Variants in PKD1L1 observed in about 807,000 individuals in gnomAD.
PKD1L1 encodes the protein polycystin 1 like 1, transient receptor potential channel interacting.
A neutral mutation model predicts 323.4 loss-of-function variants in PKD1L1; 236 were observed. The ratio of observed to expected loss-of-function variants is 0.73; its 90% CI spans 0.66 to 0.81. The LOEUF is 0.81. PKD1L1 is among the 40% of genes least tolerant of loss of function. The probability of loss-of-function intolerance (pLI) is 0.00; values close to 1 mark genes in which losing one functional copy is unlikely to be tolerated. For synonymous variants in PKD1L1, 1,344 were observed against 1,335.0 expected, an observed-to-expected ratio of 1.01 and a Z score of -0.15; for missense variants, 3,320 against 3,508.0, an observed-to-expected ratio of 0.95 and a Z score of 1.35.
Position 47,846,960 on chromosome 7 carries a change from C to G in PKD1L1, c.5072G>C (p.Cys1691Ser), listed in dbSNP as rs886037834. ...NYTVHFQWIR[C>S]LFWDKREWKS... ...CCACTCTCTCTTGTCCCAAAACAGG[C>G]ATCGGATCCACTGGAAATGTACTGT... The change falls in exon 32 of 57, where the codon TGC becomes TCC. Residue 1691 changes from cysteine to serine, a missense_variant. By Grantham distance (112) the Cys-to-Ser change is moderately radical (BLOSUM62 -1). Coordinates refer to ENST00000289672, the MANE Select transcript of PKD1L1 (RefSeq NM_138295.5). 18 of 1,613,904 alleles carry G rather than the reference C, an allele frequency of 1.1e-5. No individual in the cohort carries two copies. Among genetic ancestry groups the G allele is most frequent in the Non-Finnish European group, 1.4e-5 (16 of 1,179,954 alleles).
At chr7:47,874,420 T>C (rs375898271) in intron 23 of PKD1L1, among the ~76,000 whole-genome samples, 3 of 152,296 alleles carry the variant, frequency 2.0e-5, no homozygotes, top group Middle Eastern at 3.4e-3. Flanking sequence ...GGCACCGTCA[T>C]AGGAACCACA....
intron 55 of PKD1L1, among the ~76,000 whole-genome samples, chr7:47,795,718 C>G (rs1185716770): frequency 6.6e-6 from 1 of 152,114 alleles, no homozygotes; most frequent in Non-Finnish European, 1.5e-5. Flanking sequence ...TGGGGAAGAC[C>G]ATAAACTCTG....
intron 50 of PKD1L1, among the ~76,000 whole-genome samples, chr7:47,810,192 T>C (rs547574129): frequency 6.6e-6 from 1 of 152,276 alleles, no homozygotes; most frequent in South Asian, 2.1e-4. Context: ...TGGAGTTATG[T>C]GCATTGTGTC....
chr7:47,833,928 C>T (rs1427859103), intron 40 of PKD1L1, among the ~76,000 whole-genome samples: 4 of 152,210 alleles, frequency 2.6e-5, no homozygotes, highest in Non-Finnish European at 5.9e-5. Flanking sequence ...CTCTGAGCAC[C>T]CTCCTCACAA....
chr7:47,827,271 G>A (rs1785255447), intron 45 of PKD1L1, 79 bp downstream of exon 45: 3 of 1,247,826 alleles, frequency 2.4e-6, no homozygotes, highest in East Asian at 2.5e-5. Context: ...TCTCCCAGGA[G>A]GACCAGCGGC....
At chr7:47,888,984 C>T (rs187746860) in intron 16 of PKD1L1, among the ~76,000 whole-genome samples, 1 of 152,132 alleles carries the variant, frequency 6.6e-6, no homozygotes, top group Non-Finnish European at 1.5e-5. Flanking sequence ...CTGCACCTGA[C>T]GGCCCACGTC....
chr7:47,899,102 A>T (rs547757098), intron 13 of PKD1L1, among the ~76,000 whole-genome samples: 90 of 152,350 alleles, frequency 5.9e-4, no homozygotes, highest in African/African-American at 2.1e-3. Context: ...TGGTGGGAAC[A>T]GCAGAAGCTT....
At chr7:47,894,778 T>G (rs577437648) in intron 14 of PKD1L1, among the ~76,000 whole-genome samples, 1 of 149,162 alleles carries the variant, frequency 6.7e-6, no homozygotes, top group African/African-American at 2.5e-5. Context: ...TTGAACCCAG[T>G]AGCCCAGAGG....
At chr7:47,960,366 TA>T in the PKD1L1 span, among the ~76,000 whole-genome samples, 8 of 22,070 alleles carry the variant, frequency 3.6e-4, no homozygotes, top group Non-Finnish European at 5.6e-4. Context: ...GAATGATCAA[TA>T]AAAAAAAATT....
At chr7:47,919,950 C>T (rs1353694004) in intron 7 of PKD1L1, among the ~76,000 whole-genome samples, 1 of 152,108 alleles carries the variant, frequency 6.6e-6, no homozygotes, top group African/African-American at 2.4e-5. Context: ...CCTCTGAGAA[C>T]TCGAACAAGA....
chr7:47,889,031 G>A (rs1481166848), intron 16 of PKD1L1, among the ~76,000 whole-genome samples: 2 of 152,108 alleles, frequency 1.3e-5, no homozygotes, highest in African/African-American at 4.8e-5. Context: ...CCCAGCACAG[G>A]GCTGAGGAGC....
At chr7:47,870,751 C>T (rs555419473) in intron 24 of PKD1L1, among the ~76,000 whole-genome samples, 126 of 152,236 alleles carry the variant, frequency 8.3e-4, no homozygotes, top group African/African-American at 3.0e-3. Context: ...GTTATCCCAG[C>T]ACTTTGGGAG....
At chr7:47,928,539 C>T (rs1490535978) in intron 7 of PKD1L1, among the ~76,000 whole-genome samples, 1 of 152,018 alleles carries the variant, frequency 6.6e-6, no homozygotes, top group African/African-American at 2.4e-5. Context: ...CACTGCACTC[C>T]AGCCTGGGCA....
rs893788630 is a variant in PKD1L1, at chr7:47,855,608, G to A, written c.4591-343C>T. ...ATGCAAGAGTGGGGCCGGGCGCGGTGGCTCACGCCTGTAATCCCAGCACTT... is the reference window on the plus strand; with the variant it reads ...ATGCAAGAGTGGGGCCGGGCGCGGTAGCTCACGCCTGTAATCCCAGCACTT... On this transcript the variant is annotated intron_variant, in intron 28 of 56. Coordinates refer to ENST00000289672, the MANE Select transcript of PKD1L1 (RefSeq NM_138295.5). Among the ~76,000 whole-genome samples, 3 of 96,984 alleles carry A rather than the reference G, an allele frequency of 3.1e-5. 1 individual carries two copies. Among genetic ancestry groups the A allele is most frequent in the African/African-American group, 1.8e-4 (3 of 16,384 alleles). 63.6% of individuals were successfully genotyped at this position (96,984 alleles called of 152,430 possible). A position where few individuals can be genotyped will look rare whatever the true frequency, so the allele number is the denominator to read the frequency against.
At chr7:47,842,870 G>A (rs887280866) in intron 34 of PKD1L1, 92 bp downstream of exon 34, 1 of 1,218,294 alleles carries the variant, frequency 8.2e-7, no homozygotes, top group Non-Finnish European at 1.1e-6. Context: ...TGTGACAGGT[G>A]ACAGACGGGG....
At chr7:47,935,842 G>A (rs143597712) in intron 4 of PKD1L1, among the ~76,000 whole-genome samples, 120 of 152,348 alleles carry the variant, frequency 7.9e-4, no homozygotes, top group African/African-American at 2.7e-3. Context: ...AAAGAACTGT[G>A]ATCAGTTTAG....
At chr7:47,935,105 G>A (rs1053032021) in intron 4 of PKD1L1, among the ~76,000 whole-genome samples, 1 of 152,228 alleles carries the variant, frequency 6.6e-6, no homozygotes, top group East Asian at 1.9e-4. Flanking sequence ...GCGGCACCCA[G>A]GGAGTGCTGA....
Position 47,840,704 on chromosome 7 carries a change from C to G in PKD1L1, c.5446-137G>C. 1.5e-6 allele frequency: 1 copy of G among 651,744 alleles called. No individual in the cohort carries two copies. The allele number at this position is 651,744 out of a possible 1,614,324, so 40.4% of individuals were successfully genotyped here. On this transcript the variant is annotated intron_variant, in intron 34 of 56. Coordinates refer to ENST00000289672, the MANE Select transcript of PKD1L1 (RefSeq NM_138295.5). The surrounding 1 kb of genome is among the most constrained non-coding windows in gnomAD (Gnocchi z 4.1). ...CATCTGCACGGTGGAGTGCCACAGC[C>G]TAGAGCCAGGGGATGAGTGGGCACG...
chr7:47,784,577 A>G (rs1047867666), intron 56 of PKD1L1, among the ~76,000 whole-genome samples: 1 of 151,948 alleles, frequency 6.6e-6, no homozygotes, highest in Non-Finnish European at 1.5e-5. Flanking sequence ...GGCTCAAGCA[A>G]TTCTCCTGCC....
Sources: allele counts gnomAD v4.1 joint callset (sites outside exome capture counted in the v4.1 genomes callset), GRCh38; gene constraint gnomAD v4.1.1; non-coding constraint Gnocchi (gnomAD v3.1); transcripts MANE v1.5; gene names NCBI Gene and HGNC (gene_info 2026-07-23, HGNC 2026-07-21).